ACOXL: variants seen among roughly 807,000 people sequenced by gnomAD.
ACOXL encodes acyl-CoA oxidase like, also known as acyl-coenzyme A oxidase-like protein.
ACOXL carries 70 observed loss-of-function variants against 71.9 expected under a neutral mutation model. That is an observed-to-expected ratio of 0.97 (90% CI 0.80 to 1.19). The LOEUF (loss-of-function observed/expected upper bound fraction) is 1.19, where lower values mean the gene tolerates loss of function less well. Among genes scored for constraint, ACOXL ranks in the 50% most tolerant of loss-of-function variants. The probability of loss-of-function intolerance (pLI) is 0.00; values close to 1 mark genes in which losing one functional copy is unlikely to be tolerated. For missense variants in ACOXL, 703 were observed against 736.3 expected, an observed-to-expected ratio of 0.95 and a Z score of 0.52; for synonymous variants, 253 against 281.6, an observed-to-expected ratio of 0.90 and a Z score of 1.02.
chr2:111,078,518 C>T (rs1276063647), intron 16 of ACOXL, among the ~76,000 whole-genome samples: 5 of 152,158 alleles, frequency 3.3e-5, no homozygotes, highest in Non-Finnish European at 7.4e-5. Context: ...CCCACCTCAG[C>T]CCCCCAAAAT....
chr2:111,070,544 C>T (rs1462383521), intron 16 of ACOXL, among the ~76,000 whole-genome samples: 1 of 152,098 alleles, frequency 6.6e-6, no homozygotes, highest in South Asian at 2.1e-4. Flanking sequence ...CTACTGGATA[C>T]TAAGCTTAGT....
intron 1 of ACOXL, among the ~76,000 whole-genome samples, chr2:110,761,794 A>G (rs2104914301): frequency 6.6e-6 from 1 of 152,328 alleles, no homozygotes; most frequent in Non-Finnish European, 1.5e-5. Flanking sequence ...TACCTTCTCT[A>G]GTGAGATCTG....
At chr2:110,929,199 C>T (rs2060390767) in intron 11 of ACOXL, among the ~76,000 whole-genome samples, 1 of 152,126 alleles carries the variant, frequency 6.6e-6, no homozygotes, top group Non-Finnish European at 1.5e-5. Context: ...ATGGCTTTGA[C>T]CAAAATGGTG....
At chr2:110,813,818 T>G (rs1687616227) in intron 9 of ACOXL, among the ~76,000 whole-genome samples, 1 of 152,228 alleles carries the variant, frequency 6.6e-6, no homozygotes, top group Non-Finnish European at 1.5e-5. Context: ...GACAATTTTC[T>G]GAGCACCTCA....
chr2:111,067,376 A>G (rs755019125), intron 16 of ACOXL, among the ~76,000 whole-genome samples: 5 of 152,236 alleles, frequency 3.3e-5, no homozygotes, highest in Non-Finnish European at 7.3e-5. Context: ...CAAGTATCCA[A>G]TTTAAGGTGC....
intron 15 of ACOXL, among the ~76,000 whole-genome samples, chr2:111,044,602 G>C (rs1423338823): frequency 6.6e-6 from 1 of 152,208 alleles, no homozygotes; most frequent in African/African-American, 2.4e-5. Context: ...CTTAGTGACA[G>C]GTGCCCAATC....
chr2:110,878,925 G>T (rs577628556), intron 10 of ACOXL, among the ~76,000 whole-genome samples: 1 of 152,092 alleles, frequency 6.6e-6, no homozygotes, highest in East Asian at 1.9e-4. Flanking sequence ...AGGCATGGTG[G>T]TGGGTGCCTG....
At chr2:110,903,217 A>G (rs1385115363) in intron 10 of ACOXL, among the ~76,000 whole-genome samples, 1 of 152,228 alleles carries the variant, frequency 6.6e-6, no homozygotes, top group Admixed American at 6.5e-5. Flanking sequence ...AAGAGACCAG[A>G]GGGAGAGGGG....
chr2:110,971,653 C>A (rs941740776), intron 12 of ACOXL, among the ~76,000 whole-genome samples: 7 of 152,208 alleles, frequency 4.6e-5, no homozygotes, highest in African/African-American at 1.7e-4. Context: ...AGAATGAGGA[C>A]AGTGGCATGT....
At chr2:110,738,098 T>G (rs1677088037) in intron 1 of ACOXL, among the ~76,000 whole-genome samples, 1 of 152,216 alleles carries the variant, frequency 6.6e-6, no homozygotes, top group Admixed American at 6.5e-5. Context: ...TAAAAAGTGC[T>G]GCTTGCCTGT....
intron 2 of ACOXL, among the ~76,000 whole-genome samples, chr2:110,775,360 G>A (rs1170193251): frequency 6.6e-6 from 1 of 152,046 alleles, no homozygotes; most frequent in Non-Finnish European, 1.5e-5. Flanking sequence ...ATTTTAAAAA[G>A]CATTTAAGTA....
chr2:111,028,443 A>G (rs2065115507), intron 14 of ACOXL, among the ~76,000 whole-genome samples: 1 of 151,898 alleles, frequency 6.6e-6, no homozygotes, highest in African/African-American at 2.4e-5. Context: ...GGTTTAAGCC[A>G]CTGTGCCTGG....
intron 10 of ACOXL, among the ~76,000 whole-genome samples, chr2:110,861,346 A>T (rs1419025773): frequency 6.6e-6 from 1 of 152,134 alleles, no homozygotes; most frequent in African/African-American, 2.4e-5. Context: ...GACAAGACTG[A>T]CTTACAGACA....
intron 1 of ACOXL, among the ~76,000 whole-genome samples, chr2:110,760,540 G>A (rs1042848792): frequency 1.3e-5 from 2 of 152,152 alleles, no homozygotes; most frequent in Non-Finnish European, 2.9e-5. Context: ...GGACCTTCTG[G>A]TCTTAACTGA....
At position 110,933,591 on chromosome 2, in the gene ACOXL, C is replaced by G. The variant is rs767777639; in HGVS notation, c.1008C>G (p.Thr336=). The G allele has an allele frequency of 6.2e-7, 1 of 1,613,854 alleles. No individual in the cohort carries two copies. Among genetic ancestry groups the G allele is most frequent in the East Asian group, 2.2e-5 (1 of 44,880 alleles). Residue 336 remains threonine, a synonymous_variant, in exon 12 of 18, where the codon ACC becomes ACG. Transcript: ENST00000439055. ...ALVAGLKAYS[T]WENIRCLQDC... ...TGGCGGGGCTGAAGGCCTACAGCAC[C>G]TGGGAGAACATCCGCTGCCTGCAGG... is the stretch of plus-strand genomic sequence containing the variant.
chr2:111,017,947 G>GA (rs1450225821), intron 14 of ACOXL: 4 of 152,202 alleles, frequency 2.6e-5, no homozygotes, highest in Admixed American at 2.6e-4. Context: ...TTGAAGTTCT[G>GA]AAAAGTGAGT....
chr2:110,954,685 A>G (rs2061436013), intron 12 of ACOXL, among the ~76,000 whole-genome samples: 4 of 152,194 alleles, frequency 2.6e-5, no homozygotes, highest in East Asian at 1.9e-4. Flanking sequence ...ATTAGCCATC[A>G]TGTTTATTAT....
At chr2:110,881,519 A>G (rs959583412) in intron 10 of ACOXL, among the ~76,000 whole-genome samples, 3 of 152,128 alleles carry the variant, frequency 2.0e-5, no homozygotes, top group Admixed American at 6.5e-5. Flanking sequence ...AAAATGTACG[A>G]TTGATAGTTT....
At chr2:111,025,091 G>A (rs1480264364) in intron 14 of ACOXL, among the ~76,000 whole-genome samples, 1 of 151,824 alleles carries the variant, frequency 6.6e-6, no homozygotes, top group East Asian at 1.9e-4. Context: ...CCCAACTCCT[G>A]GAAACTACTT....
Sources: allele counts gnomAD v4.1 joint callset (sites outside exome capture counted in the v4.1 genomes callset), GRCh38; gene constraint gnomAD v4.1.1; transcripts MANE v1.5; gene names NCBI Gene and HGNC (gene_info 2026-07-23, HGNC 2026-07-21).